Variants in CCNY observed in about 807,000 individuals in gnomAD.
The protein encoded by CCNY is cyclin-Y.
Under a neutral mutation model 42.8 loss-of-function variants are expected in CCNY, and 19 were observed. The observed-to-expected ratio is 0.44, with a 90% CI of 0.31 to 0.65. The LOEUF (loss-of-function observed/expected upper bound fraction) is 0.65, where lower values mean the gene tolerates loss of function less well. Ranked by LOEUF, CCNY falls within the 30% of genes least tolerant of loss-of-function variation. The pLI, the probability that CCNY is intolerant of heterozygous loss-of-function variation, is 0.07. For missense variants in CCNY, 370 were observed against 437.3 expected, an observed-to-expected ratio of 0.85 and a Z score of 1.37; for synonymous variants, 165 against 162.7, an observed-to-expected ratio of 1.01 and a Z score of -0.11.
intron 3 of CCNY, among the ~76,000 whole-genome samples, chr10:35,313,263 T>C (rs1835711209): frequency 6.6e-6 from 1 of 152,204 alleles, no homozygotes; most frequent in Non-Finnish European, 1.5e-5. Flanking sequence ...TGGGGACATA[T>C]AGATTCCACA....
At chr10:35,262,183 A>G (rs1479728072) in intron 3 of CCNY, among the ~76,000 whole-genome samples, 1 of 145,284 alleles carries the variant, frequency 6.9e-6, no homozygotes, top group Admixed American at 7.1e-5. Context: ...AATCTCTTGA[A>G]CCCAGGAGGC....
intron 1 of CCNY, among the ~76,000 whole-genome samples, chr10:35,469,956 A>ATGGAGAGACAGACAGGGAGATAGGGCAG: frequency 7.0e-6 from 1 of 143,332 alleles, no homozygotes; most frequent in African/African-American, 2.5e-5. Flanking sequence ...AGACAGGGAG[A>ATGGAGAGACAGACAGGGAGATAGGGCAG]TGGAGAGACA....
chr10:35,389,052 T>C (rs976662137), intron 1 of CCNY, among the ~76,000 whole-genome samples: 4 of 152,210 alleles, frequency 2.6e-5, no homozygotes, highest in African/African-American at 9.6e-5. Flanking sequence ...CAACTTTAAT[T>C]CCATCTGCAA....
At position 35,566,191 on chromosome 10, in the gene CCNY, A is replaced by C. The variant is rs757874874; in HGVS notation, c.909+6A>C. The C allele has an allele frequency of 1.2e-6, 2 of 1,612,342 alleles. No homozygotes were observed. Among genetic ancestry groups the C allele is most frequent in the South Asian group, 2.2e-5 (2 of 90,688 alleles). On this transcript the variant is annotated splice_donor_region_variant and intron_variant, in intron 9 of 9. Transcript: ENST00000374704. ...AGAGGGCTCACAAGCTTGAGGTAAG[A>C]TGGTTTAAAACAGCGTTTTGTGGTG... is the stretch of plus-strand genomic sequence containing the variant.
intron 1 of CCNY, among the ~76,000 whole-genome samples, chr10:35,445,963 G>T (rs1451695233): frequency 6.6e-6 from 1 of 151,972 alleles, no homozygotes; most frequent in African/African-American, 2.4e-5. Flanking sequence ...AATATTTCGT[G>T]GTCTTTAGGC....
At chr10:35,280,697 TC>T (rs1329728031) in intron 3 of CCNY, among the ~76,000 whole-genome samples, 2 of 152,180 alleles carry the variant, frequency 1.3e-5, no homozygotes, top group African/African-American at 4.8e-5. Context: ...AGTGACAGCT[TC>T]TGAGATATGA....
chr10:35,286,084 T>C (rs1165770812), intron 3 of CCNY, among the ~76,000 whole-genome samples: 1 of 152,188 alleles, frequency 6.6e-6, no homozygotes, highest in African/African-American at 2.4e-5. Context: ...AGTGCTGGGA[T>C]TACAGGCGTG....
chr10:35,305,991 C>T (rs1835601839), intron 3 of CCNY, among the ~76,000 whole-genome samples: 1 of 152,166 alleles, frequency 6.6e-6, no homozygotes, highest in Non-Finnish European at 1.5e-5. Context: ...AGTACAGTAA[C>T]ACATCCTGTG....
At chr10:35,527,584 A>T (rs1350366984) in intron 5 of CCNY, among the ~76,000 whole-genome samples, 2 of 152,232 alleles carry the variant, frequency 1.3e-5, no homozygotes, top group Admixed American at 1.3e-4. Flanking sequence ...GACTAAGATG[A>T]TACAACTAGT....
intron 1 of CCNY, among the ~76,000 whole-genome samples, chr10:35,360,264 C>G (rs185344220): frequency 6.9e-6 from 1 of 144,598 alleles, no homozygotes; most frequent in East Asian, 2.1e-4. Flanking sequence ...AATTAAATTT[C>G]TTTTTTTTCC....
intron 2 of CCNY, among the ~76,000 whole-genome samples, chr10:35,485,522 G>A (rs748792278): frequency 3.9e-5 from 6 of 152,112 alleles, no homozygotes; most frequent in Non-Finnish European, 5.9e-5. Context: ...TCAGGAGATC[G>A]AGACCATCCT....
At chr10:35,300,292 G>A (rs1835518212) in intron 3 of CCNY, among the ~76,000 whole-genome samples, 1 of 152,110 alleles carries the variant, frequency 6.6e-6, no homozygotes, top group South Asian at 2.1e-4. Context: ...AAGCAGCAAG[G>A]CTGCCACGCC....
At chr10:35,431,313 T>A (rs1248762082) in intron 1 of CCNY, among the ~76,000 whole-genome samples, 1 of 112,828 alleles carries the variant, frequency 8.9e-6, no homozygotes, top group Non-Finnish European at 1.8e-5. Flanking sequence ...ACTCCTCCCC[T>A]CCTCCTCTCC....
chr10:35,293,313 C>G (rs1042236583), intron 3 of CCNY, among the ~76,000 whole-genome samples: 3 of 152,152 alleles, frequency 2.0e-5, no homozygotes, highest in African/African-American at 7.2e-5. Context: ...TTTCTGAACT[C>G]TCAGGACAGT....
intron 1 of CCNY, among the ~76,000 whole-genome samples, chr10:35,397,573 C>T (rs1450517195): frequency 6.6e-6 from 1 of 152,094 alleles, no homozygotes; most frequent in African/African-American, 2.4e-5. Flanking sequence ...ACAACATTGG[C>T]GGTGGGAGAG....
chr10:35,565,997 AG>A, intron 8 of CCNY, 25 bp from the exon 9 acceptor site: 1 of 1,602,732 alleles, frequency 6.2e-7, no homozygotes, highest in Non-Finnish European at 8.5e-7. Flanking sequence ...AGCTAAGCAT[AG>A]GCTATTTTTG....
Position 35,299,382 on chromosome 10 carries a change from T to A in CCNY, c.-9+48756T>A, listed in dbSNP as rs146426287. ...AGGTGGTGAAATATGCAACTTAAAT[T>A]ATGGATTTGTCTTTTTCCCCTTTCA... is the stretch of plus-strand genomic sequence containing the variant. On this transcript the variant is annotated intron_variant, in intron 3 of 11. Transcript: ENST00000374706. 3.5e-3 allele frequency among the ~76,000 whole-genome samples: 535 copies of A among 152,358 alleles called. 5 individuals are homozygous for A. The highest frequency in any genetic ancestry group is 0.013 in the African/African-American group (525 of 41,592).
chr10:35,540,661 G>C (rs917879301), intron 7 of CCNY, among the ~76,000 whole-genome samples: 4 of 151,792 alleles, frequency 2.6e-5, no homozygotes, highest in African/African-American at 9.7e-5. Flanking sequence ...GTTTTTCTCT[G>C]TTGGAAGTTT....
chr10:35,354,573 A>G (rs1359169728), intron 1 of CCNY, among the ~76,000 whole-genome samples: 1 of 152,196 alleles, frequency 6.6e-6, no homozygotes, highest in African/African-American at 2.4e-5. Flanking sequence ...AGGGGACAGT[A>G]TTATATTAAT....
Sources: allele counts gnomAD v4.1 joint callset (sites outside exome capture counted in the v4.1 genomes callset), GRCh38; gene constraint gnomAD v4.1.1; transcripts MANE v1.5; gene names NCBI Gene and HGNC (gene_info 2026-07-23, HGNC 2026-07-21).